GCN1: variants seen among roughly 807,000 people sequenced by gnomAD.
The protein encoded by GCN1 is GCN1 activator of EIF2AK4, also known as stalled ribosome sensor GCN1.
GCN1 carries 90 observed loss-of-function variants against 288.4 expected under a neutral mutation model. The ratio of observed to expected loss-of-function variants is 0.31; its 90% CI spans 0.26 to 0.37. GCN1 has a LOEUF of 0.37. Ranked by LOEUF, GCN1 falls within the 10% of genes least tolerant of loss-of-function variation. GCN1 has a pLI of 1.00. For missense variants in GCN1, 2,586 were observed against 3,419.9 expected (o/e 0.76, Z 6.08); for synonymous variants, 1,386 against 1,420.2 (o/e 0.98, Z 0.54).
rs757112640 is a variant in GCN1 at position 120,157,837 on chromosome 12, T to C, written c.3087+12A>G. Reference sequence around the variant, plus strand: ...CTTTAAACCAAGAGGAGAGCAGAGCTTCCCTGCCAACCTCGTCCACCCGCC... The same window carrying C: ...CTTTAAACCAAGAGGAGAGCAGAGCCTCCCTGCCAACCTCGTCCACCCGCC... On this transcript the variant is annotated intron_variant, in intron 26 of 57. Transcript: ENST00000300648. 1.4e-5 allele frequency: 23 copies of C among 1,610,506 alleles called. No individual in the cohort carries two copies. The highest frequency in any genetic ancestry group is 1.3e-4 in the Admixed American group (8 of 59,922).
At chr12:120,139,622 C>T (rs541060800) in intron 45 of GCN1, among the ~76,000 whole-genome samples, 10 of 151,464 alleles carry the variant, frequency 6.6e-5, no homozygotes, top group Admixed American at 5.3e-4. Context: ...AGTAAGACCC[C>T]GTCTCAATAA....
intron 9 of GCN1, among the ~76,000 whole-genome samples, chr12:120,176,819 T>C (rs1423109386): frequency 6.6e-6 from 1 of 151,992 alleles, no homozygotes; most frequent in African/African-American, 2.4e-5. Flanking sequence ...CAGGCTGGAG[T>C]GTAATGGCAT....
intron 5 of GCN1, among the ~76,000 whole-genome samples, chr12:120,182,848 G>A (rs1473757613): frequency 1.3e-5 from 2 of 149,620 alleles, no homozygotes; most frequent in East Asian, 4.1e-4. Context: ...GCTGAGGCAA[G>A]AGAAACGCTT....
intron 4 of GCN1, 72 bp from the exon 5 acceptor site, chr12:120,183,749 C>T (rs1244881915): frequency 1.2e-5 from 11 of 891,154 alleles, no homozygotes; most frequent in Non-Finnish European, 1.9e-5. Context: ...TCCCTAAGGC[C>T]CCGCCTGGTA....
Position 120,149,917 on chromosome 12 carries a change from C to T in GCN1, c.4431+5G>A. The T allele has an allele frequency of 1.2e-6, 2 of 1,614,194 alleles. No individual in the cohort carries two copies. Among genetic ancestry groups the T allele is most frequent in the Non-Finnish European group, 1.7e-6 (2 of 1,180,032 alleles). On this transcript the variant is annotated splice_donor_5th_base_variant and intron_variant, in intron 35 of 57. Transcript: ENST00000300648. The stretch of plus-strand genomic sequence containing the variant: ...GCTGTTCTCCCGAGCAGTCCGGGGA[C>T]TTACCTCACGCACATACTGGTTTCC...
In GCN1 at chr12:120,161,504, G is replaced by C. The variant is rs1166084913; in HGVS notation, c.2422C>G (p.Leu808Val). 6.2e-7 allele frequency: 1 copy of C among 1,612,516 alleles called. No homozygotes were observed. Among genetic ancestry groups the C allele is most frequent in the Non-Finnish European group, 8.5e-7 (1 of 1,178,498 alleles). ...AYSFKEQIIE[L>V]ELKEEIKKKK... ...CGTGTACTCACCTCCTTCAGCTCCA[G>C]CTCGATGATCTGCTCTTTGAAGGAA... The change falls in exon 22 of 58, where the codon CTG (leucine) becomes GTG (valine). Residue 808 changes from leucine (L) to valine (V), a missense_variant. Leu to Val is a conservative substitution (Grantham distance 32, BLOSUM62 1). Coordinates refer to ENST00000300648, the MANE Select transcript of GCN1 (RefSeq NM_006836.2).
rs755740246 is a variant in GCN1 at position 120,183,663 on chromosome 12, G to T, written c.332C>A (p.Ser111Tyr). ...CCAGGTCAAGGCCAGCAAGGCGGCA[G>T]AGCCACTGCTCTTACTGCAGAGCAG... is the stretch of plus-strand genomic sequence containing the variant. ...KAGVPSKSSG[S>Y]AALLALTWTC... Residue 111 changes from serine (S) to tyrosine (Y), a missense_variant, in exon 5 of 58, where the codon TCT (serine) becomes TAT (tyrosine). Ser to Tyr is a moderately radical substitution (Grantham distance 144). Coordinates refer to ENST00000300648, the MANE Select transcript of GCN1 (RefSeq NM_006836.2). 3.1e-6 allele frequency: 5 copies of T among 1,609,686 alleles called. No individual in the cohort carries two copies.
intron 16 of GCN1, among the ~76,000 whole-genome samples, chr12:120,164,996 C>CATAT (rs199612431): frequency 1.8e-5 from 2 of 108,890 alleles, no homozygotes; most frequent in East Asian, 5.4e-4. Context: ...CATATATACA[C>CATAT]ATATATACAC....
At chr12:120,131,113 C>T in intron 55 of GCN1, 72 bp downstream of exon 55, 1 of 1,414,432 alleles carries the variant, frequency 7.1e-7, no homozygotes, top group Admixed American at 1.7e-5. Flanking sequence ...TGGGGTCCAC[C>T]CGCGCTGTGT....
At chr12:120,161,052 AAG>A (rs1425949239) in intron 22 of GCN1, among the ~76,000 whole-genome samples, 2 of 152,152 alleles carry the variant, frequency 1.3e-5, no homozygotes, top group East Asian at 1.9e-4. Context: ...CTGAGAAGGA[AAG>A]AGTCCTGTGT....
chr12:120,191,746 G>C (rs1313147223), intron 1 of GCN1, among the ~76,000 whole-genome samples: 23 of 152,156 alleles, frequency 1.5e-4, no homozygotes, highest in Non-Finnish European at 3.4e-4. Flanking sequence ...CAAAACCAAA[G>C]AGTTCTGAGA....
intron 2 of GCN1, 55 bp downstream of exon 2, chr12:120,190,243 G>T: frequency 7.7e-4 from 510 of 663,832 alleles, no homozygotes; most frequent in Non-Finnish European, 1.2e-3. Context: ...AAAAAAAAAA[G>T]AAAGAAAGAA....
chr12:120,146,904 C>T, intron 38 of GCN1, 148 bp downstream of exon 38: 1 of 481,558 alleles, frequency 2.1e-6, no homozygotes. Context: ...CCCGGATTTC[C>T]ACCACAAAAT....
In GCN1 at chr12:120,153,652, T is replaced by C. The variant is rs141546115; in HGVS notation, c.3867+92A>G. 1.9e-4 allele frequency: 245 copies of C among 1,257,510 alleles called. No homozygotes were observed. The African/African-American group carries it at 2.9e-3, about 15-fold the overall frequency. 77.9% of individuals were successfully genotyped at this position (1,257,510 alleles called of 1,614,324 possible). A position where few individuals can be genotyped will look rare whatever the true frequency, so the allele number is the denominator to read the frequency against. On this transcript the variant is annotated intron_variant, in intron 32 of 57. Coordinates refer to ENST00000300648, the MANE Select transcript of GCN1 (RefSeq NM_006836.2). This position sits in a 1 kb window ranked among gnomAD's most constrained non-coding sequence, Gnocchi z 4.4. The stretch of plus-strand genomic sequence containing the variant: ...CTTGGCACTCAGCATTTCTGGCCCC[T>C]GCTCAGCCCTAGCGCCTGCCTCCCG...
chr12:120,138,237 C>G, intron 47 of GCN1, 86 bp downstream of exon 47: 3 of 991,966 alleles, frequency 3.0e-6, no homozygotes, highest in Non-Finnish European at 4.9e-6. Flanking sequence ...CCTCCAACAT[C>G]TACGTTCAGA....
chr12:120,184,310 C>T lies in GCN1; in HGVS notation c.186-67G>A. On this transcript the variant is annotated intron_variant, in intron 3 of 57. Transcript: ENST00000300648. ...AGGCAGAGGCAGGGGCAAGGCTGCT[C>T]AGGCCATACACTGGTCTTTCTCAGG... 2.8e-5 allele frequency: 40 copies of T among 1,415,810 alleles called. 1 individual carries two copies. The South Asian group carries it at 4.8e-4, about 17-fold the overall frequency. The allele number at this position is 1,415,810 out of a possible 1,614,324, so 87.7% of individuals were successfully genotyped here. A position where few individuals can be genotyped will look rare whatever the true frequency, so the allele number is the denominator to read the frequency against.
At chr12:120,133,939 G>A (rs1876912322) in intron 53 of GCN1, among the ~76,000 whole-genome samples, 1 of 152,090 alleles carries the variant, frequency 6.6e-6, no homozygotes, top group Non-Finnish European at 1.5e-5. Context: ...GTATGGTGGC[G>A]GACACCTGTA....
At chr12:120,179,750 C>G (rs1594286919) in intron 5 of GCN1, among the ~76,000 whole-genome samples, 1 of 152,262 alleles carries the variant, frequency 6.6e-6, no homozygotes, top group Non-Finnish European at 1.5e-5. Context: ...AGATATTAAA[C>G]AAATAAATAC....
chr12:120,134,291 C>G lies in GCN1; in HGVS notation c.7317G>C (p.Glu2439Asp). ...CCACTAGTCCTGCCTGCAGCCGTACCTCATCGTGTCCCAGCATGCTCAGCA... is the reference window on the plus strand; with the variant it reads ...CCACTAGTCCTGCCTGCAGCCGTACGTCATCGTGTCCCAGCATGCTCAGCA... ...SLLLSMLGHD[E>D]DNTRISSAGC... The change falls in exon 53 of 58, where the codon GAG becomes GAC. Residue 2439 changes from glutamate (E) to aspartate (D), a missense_variant and splice_region_variant. Physicochemically the swap from Glu to Asp is conservative, Grantham distance 45 (BLOSUM62 2). This residue lies in a region of GCN1 where 355 missense variants were observed against 431.1 expected (regional missense o/e 0.82). Transcript: ENST00000300648. The surrounding 1 kb of genome is among the most constrained non-coding windows in gnomAD (Gnocchi z 5.0). The G allele has an allele frequency of 6.2e-7, 1 of 1,608,040 alleles. No homozygotes were observed. The highest frequency in any genetic ancestry group is 1.1e-5 in the South Asian group (1 of 90,984).
Sources: allele counts gnomAD v4.1 joint callset (sites outside exome capture counted in the v4.1 genomes callset), GRCh38; gene constraint gnomAD v4.1.1; regional missense constraint gnomAD v4.1.1; non-coding constraint Gnocchi (gnomAD v3.1); transcripts MANE v1.5; gene names NCBI Gene and HGNC (gene_info 2026-07-23, HGNC 2026-07-21).